Variants in RLF observed in about 807,000 individuals in gnomAD.
The protein encoded by RLF is zinc finger protein Rlf.
Under a neutral mutation model 162.9 loss-of-function variants are expected in RLF, and 7 were observed. The observed-to-expected ratio is 0.04, with a 90% CI of 0.02 to 0.08. The LOEUF (loss-of-function observed/expected upper bound fraction) is 0.08. Ranked by LOEUF, RLF falls within the 10% of genes least tolerant of loss-of-function variation. RLF has a pLI of 1.00. For synonymous variants in RLF, 782 were observed against 791.5 expected (o/e 0.99, Z 0.20); for missense variants, 1,664 against 2,244.7 (o/e 0.74, Z 5.23).
chr1:40,223,768 T>C (rs533500911), intron 6 of RLF, among the ~76,000 whole-genome samples: 2 of 152,364 alleles, frequency 1.3e-5, no homozygotes, highest in South Asian at 2.1e-4. Context: ...GGGAGGATCA[T>C]AGGGACCAGA....
At position 40,238,212 on chromosome 1, in the gene RLF, C is replaced by G. The variant is rs778124911; in HGVS notation, c.3510C>G (p.Ser1170=). 62 of 1,614,008 alleles carry G rather than the reference C, an allele frequency of 3.8e-5. 1 individual carries two copies. In the South Asian group the frequency reaches 6.4e-4, roughly 17 times the overall value. ...TAACCATGTTCCAACATCGGTATTC[C>G]CCATTTCAGTGTCATATTTGCCAAA... The part of the protein sequence containing the change: ...LQLTMFQHRY[S]PFQCHICQRS... Residue 1170 remains serine, a synonymous_variant, in exon 8 of 8, where the codon TCC becomes TCG. Coordinates refer to ENST00000372771, the MANE Select transcript of RLF (RefSeq NM_012421.4). The surrounding 1 kb of genome is among the most constrained non-coding windows in gnomAD (Gnocchi z 5.2).
At position 40,240,122 on chromosome 1, in the gene RLF, A is replaced by G; in HGVS notation, c.5420A>G (p.Asp1807Gly). ...AGTAATTCTTCACAGTCCAGTAATG[A>G]TTTAACAGGGAATGTTGTGGCAAAT... ...TLSNSSQSSN[D>G]LTGNVVANNM... The change falls in exon 8 of 8, where the codon GAT becomes GGT. Residue 1807 changes from aspartate (D) to glycine (G), a missense_variant. Asp to Gly is a moderately conservative substitution (Grantham distance 94). Transcript: ENST00000372771. 1 of 1,614,212 alleles carries G rather than the reference A, an allele frequency of 6.2e-7. No homozygotes were observed. Among genetic ancestry groups the G allele is most frequent in the Non-Finnish European group, 8.5e-7 (1 of 1,180,034 alleles).
At position 40,231,494 on chromosome 1, in the gene RLF, A is replaced by T. The variant is rs774362303; in HGVS notation, c.948-23A>T. The stretch of plus-strand genomic sequence containing the variant: ...AAATACCAGTTACTTTAAATGTTTT[A>T]CCATGATCTTCTTTTTTTATAGGGA... On this transcript the variant is annotated intron_variant, in intron 6 of 7. Transcript: ENST00000372771. 8.1e-6 allele frequency: 13 copies of T among 1,604,422 alleles called. No homozygotes were observed. In the Admixed American group the frequency reaches 2.1e-4, roughly 26 times the overall value.
chr1:40,220,306 A>C (rs1485619599), intron 5 of RLF, among the ~76,000 whole-genome samples: 7 of 152,198 alleles, frequency 4.6e-5, no homozygotes, highest in African/African-American at 1.7e-4. Context: ...TTGCTGGGTT[A>C]CCCACAACTA....
Position 40,225,878 on chromosome 1 carries a change from C to CAAAAAA in RLF, c.947+3189_947+3194dup, listed in dbSNP as rs71577617. On this transcript the variant is annotated intron_variant, in intron 6 of 7. Transcript: ENST00000372771. Reference sequence around the variant, plus strand: ...TGGGTGACAGAGCGAGACTCCGTCGCAAAAAAAAAAAAAAAAAAAAAAAAA... The same window carrying CAAAAAA: ...TGGGTGACAGAGCGAGACTCCGTCGCAAAAAAAAAAAAAAAAAAAAAAAAAAAAAAA... 2.0e-3 allele frequency among the ~76,000 whole-genome samples: 29 copies of CAAAAAA among 14,806 alleles called. 1 individual carries two copies. In the East Asian group the frequency reaches 0.025, roughly 13 times the overall value. The allele number at this position is 14,806 out of a possible 152,430, so 9.7% of individuals were successfully genotyped here.
In RLF at chr1:40,162,184, C is replaced by CTT. The variant is rs111773742; in HGVS notation, c.237+560_237+561dup. 9.9e-3 allele frequency among the ~76,000 whole-genome samples: 1,376 copies of CTT among 139,614 alleles called. 18 individuals carry two copies. The highest frequency in any genetic ancestry group is 0.033 in the African/African-American group (1,263 of 38,262). 91.6% of individuals were successfully genotyped at this position (139,614 alleles called of 152,430 possible). On this transcript the variant is annotated intron_variant, in intron 1 of 7. Coordinates refer to ENST00000372771, the MANE Select transcript of RLF (RefSeq NM_012421.4). Reference sequence around the variant, plus strand: ...GAGCCGGTTGGTTGTTTGGTTTTTGCTTTTTTTTTTTTTACGTTTAAGCCG... The same window carrying CTT: ...GAGCCGGTTGGTTGTTTGGTTTTTGCTTTTTTTTTTTTTTTACGTTTAAGCCG...
At chr1:40,196,626 A>G (rs1247828384) in intron 4 of RLF, among the ~76,000 whole-genome samples, 1 of 152,112 alleles carries the variant, frequency 6.6e-6, no homozygotes, top group Admixed American at 6.5e-5. Flanking sequence ...CTGCCTCACA[A>G]GTAACTGGGA....
intron 5 of RLF, among the ~76,000 whole-genome samples, chr1:40,214,318 A>G (rs1363692513): frequency 1.3e-5 from 2 of 152,214 alleles, no homozygotes; most frequent in African/African-American, 4.8e-5. Context: ...CAGAGAGTGA[A>G]TAAGATTAAC....
chr1:40,221,804 G>GC (rs1642999783), intron 5 of RLF, among the ~76,000 whole-genome samples: 1 of 150,872 alleles, frequency 6.6e-6, no homozygotes, highest in South Asian at 2.1e-4. Context: ...GGAGGCTGAG[G>GC]CAGGAGAATG....
intron 5 of RLF, among the ~76,000 whole-genome samples, chr1:40,203,107 G>GGC (rs1557749625): frequency 2.9e-4 from 38 of 132,770 alleles, no homozygotes; most frequent in Non-Finnish European, 4.1e-4. Context: ...TAAGGGTTGA[G>GGC]TCTTTTTTTT....
intron 5 of RLF, among the ~76,000 whole-genome samples, 171 bp downstream of exon 5, chr1:40,202,785 T>C (rs1431621739): frequency 6.6e-6 from 1 of 152,222 alleles, no homozygotes; most frequent in Non-Finnish European, 1.5e-5. Flanking sequence ...TAGAATGTAA[T>C]ATTTTAGAGT....
chr1:40,202,903 G>A (rs944411929), intron 5 of RLF, among the ~76,000 whole-genome samples: 1 of 152,074 alleles, frequency 6.6e-6, no homozygotes, highest in African/African-American at 2.4e-5. Context: ...TCTTTTTAAA[G>A]TAATGACGTC....
At position 40,239,215 on chromosome 1, in the gene RLF, C is replaced by G; in HGVS notation, c.4513C>G (p.Gln1505Glu). The G allele has an allele frequency of 1.2e-6, 2 of 1,614,148 alleles. No homozygotes were observed. Among genetic ancestry groups the G allele is most frequent in the Admixed American group, 1.7e-5 (1 of 60,008 alleles). The change falls in exon 8 of 8, where the codon CAG (glutamine) becomes GAG (glutamate). Residue 1505 changes from glutamine to glutamate, a missense_variant. This residue lies in a region of RLF where 200 missense variants were observed against 207.3 expected (regional missense o/e 0.96). Transcript: ENST00000372771. ...QTADTQGHEH[Q>E]TTRRSFNAKS... ...AGCTGATACTCAGGGGCATGAACAT[C>G]AGACCACCAGGAGATCATTTAATGC...
chr1:40,219,106 TG>T (rs1642960867), intron 5 of RLF, among the ~76,000 whole-genome samples: 1 of 152,208 alleles, frequency 6.6e-6, no homozygotes, highest in African/African-American at 2.4e-5. Context: ...TTTTTTAGTG[TG>T]GTCTTAGGTA....
rs140944349 is a variant in RLF at position 40,239,530 on chromosome 1, A to G, written c.4828A>G (p.Ile1610Val). The stretch of plus-strand genomic sequence containing the variant: ...ACCCCCTTCTGAAGCAGATCCCTGT[A>G]TAAAGAAAGAAGAAAATAGAAGCTG... ...EEPPSEADPC[I>V]KKEENRSCES... is the part of the protein sequence containing the mutation. The change falls in exon 8 of 8, where the codon ATA becomes GTA. Residue 1610 changes from isoleucine to valine, a missense_variant. This residue lies in a region of RLF where 327 missense variants were observed against 342.7 expected (regional missense o/e 0.95). Transcript: ENST00000372771. 7.8e-5 allele frequency: 126 copies of G among 1,614,120 alleles called. No homozygotes were observed. In the African/African-American group the frequency reaches 1.5e-3, roughly 19 times the overall value.
intron 6 of RLF, among the ~76,000 whole-genome samples, chr1:40,226,888 G>A (rs540207002): frequency 2.0e-5 from 3 of 152,230 alleles, no homozygotes; most frequent in South Asian, 4.1e-4. Context: ...TTTTGAGATA[G>A]AGTTTTGCTC....
intron 1 of RLF, among the ~76,000 whole-genome samples, chr1:40,184,943 A>G (rs1485573288): frequency 6.6e-6 from 1 of 152,082 alleles, no homozygotes; most frequent in Non-Finnish European, 1.5e-5. Context: ...CTAAAGAAAA[A>G]TAAGAGACCG....
chr1:40,200,546 A>C (rs932744729), intron 4 of RLF, among the ~76,000 whole-genome samples: 1 of 152,102 alleles, frequency 6.6e-6, no homozygotes, highest in African/African-American at 2.4e-5. Flanking sequence ...GATAGCTCTA[A>C]CTGCACAGAT....
intron 5 of RLF, among the ~76,000 whole-genome samples, chr1:40,216,333 A>G (rs1184520821): frequency 6.6e-6 from 1 of 151,936 alleles, no homozygotes; most frequent in Non-Finnish European, 1.5e-5. Flanking sequence ...AAATACAAAA[A>G]ACAAATCAGC....
Sources: allele counts gnomAD v4.1 joint callset (sites outside exome capture counted in the v4.1 genomes callset), GRCh38; gene constraint gnomAD v4.1.1; regional missense constraint gnomAD v4.1.1; non-coding constraint Gnocchi (gnomAD v3.1); transcripts MANE v1.5; gene names NCBI Gene and HGNC (gene_info 2026-07-23, HGNC 2026-07-21).